Variants in LINGO2 observed in about 807,000 individuals in gnomAD.
LINGO2 encodes leucine-rich repeat and immunoglobulin-like domain-containing nogo receptor-interacting protein 2.
LINGO2 carries 14 observed loss-of-function variants against 30.6 expected under a neutral mutation model. The ratio of observed to expected loss-of-function variants is 0.46; its 90% CI spans 0.30 to 0.72. LINGO2 has a LOEUF of 0.72. Among genes scored for constraint, LINGO2 ranks in the 30% least tolerant of loss-of-function variants. The pLI is 0.07. For synonymous variants in LINGO2, 317 were observed against 288.5 expected (o/e 1.10, Z -1.00); for missense variants, 729 against 751.7 (o/e 0.97, Z 0.35).
chr9:28,480,478 A>G (rs1587730799), intron 1 of LINGO2, among the ~76,000 whole-genome samples: 3 of 152,216 alleles, frequency 2.0e-5, no homozygotes, highest in Admixed American at 2.0e-4. Context: ...GTAAAATGAC[A>G]ATTGTTTAGG....
the LINGO2 span, among the ~76,000 whole-genome samples, chr9:28,683,407 A>G: frequency 3.2e-4 from 48 of 152,116 alleles, no homozygotes; most frequent in African/African-American, 1.1e-3. Flanking sequence ...TGTTTCTTTC[A>G]TGGGATGATC....
intron 4 of LINGO2, among the ~76,000 whole-genome samples, chr9:28,015,388 C>A (rs1822776424): frequency 6.6e-6 from 1 of 152,100 alleles, no homozygotes; most frequent in African/African-American, 2.4e-5. Flanking sequence ...GCATAGAACA[C>A]ACACAGGGCA....
At chr9:29,198,001 A>T in the LINGO2 span, among the ~76,000 whole-genome samples, 1 of 152,152 alleles carries the variant, frequency 6.6e-6, no homozygotes, top group Non-Finnish European at 1.5e-5. Flanking sequence ...TAAGAAAAAT[A>T]ATAATAACAT....
the LINGO2 span, among the ~76,000 whole-genome samples, chr9:28,847,831 A>G: frequency 1.1e-5 from 1 of 95,048 alleles, no homozygotes; most frequent in African/African-American, 4.0e-5. Flanking sequence ...ATATATATGT[A>G]TAGTATATAT....
intron 2 of LINGO2, among the ~76,000 whole-genome samples, chr9:28,464,445 C>G (rs1825214494): frequency 6.6e-6 from 1 of 152,128 alleles, no homozygotes; most frequent in Non-Finnish European, 1.5e-5. Flanking sequence ...TTTTCGTTTG[C>G]TGTACATGGC....
chr9:28,401,669 T>G (rs1000088300), intron 2 of LINGO2, among the ~76,000 whole-genome samples: 1 of 152,176 alleles, frequency 6.6e-6, no homozygotes, highest in Non-Finnish European at 1.5e-5. Context: ...GATTGCTGGG[T>G]CAAATGGTAT....
At chr9:28,612,058 C>T (rs915809106) in intron 1 of LINGO2, among the ~76,000 whole-genome samples, 1 of 151,852 alleles carries the variant, frequency 6.6e-6, no homozygotes, top group Non-Finnish European at 1.5e-5. Flanking sequence ...TGTGAGCCAC[C>T]ACGCCTGGGC....
the LINGO2 span, among the ~76,000 whole-genome samples, chr9:29,203,840 G>A: frequency 6.6e-6 from 1 of 152,106 alleles, no homozygotes; most frequent in African/African-American, 2.4e-5. Context: ...TAGGAACAAG[G>A]GAGCCCCAGG....
At chr9:28,518,791 C>T (rs1263770831) in intron 1 of LINGO2, among the ~76,000 whole-genome samples, 1 of 152,142 alleles carries the variant, frequency 6.6e-6, no homozygotes, top group Non-Finnish European at 1.5e-5. Flanking sequence ...TTGAGGGCTC[C>T]ATGTCACATA....
rs574236212 is a variant in LINGO2, at chr9:28,482,661, G to A, written c.-364-6636C>T. Among the ~76,000 whole-genome samples the A allele has an allele frequency of 1.4e-3, 207 of 152,098 alleles. 1 individual carries two copies. Among genetic ancestry groups the A allele is most frequent in the African/African-American group, 4.7e-3 (194 of 41,516 alleles). On this transcript the variant is annotated intron_variant, in intron 1 of 5. Coordinates refer to ENST00000379992, the Ensembl canonical transcript of LINGO2. ...CCATTTATCAATTTTGGCTTTTGTT[G>A]CCATTGCTTTTGGTGTTTTAGACAT...
chr9:28,779,256 T>C, the LINGO2 span, among the ~76,000 whole-genome samples: 1 of 152,190 alleles, frequency 6.6e-6, no homozygotes, highest in African/African-American at 2.4e-5. Flanking sequence ...CTAATATACA[T>C]TTCCATGATT....
At chr9:28,241,666 A>C (rs1422175863) in intron 4 of LINGO2, among the ~76,000 whole-genome samples, 1 of 152,166 alleles carries the variant, frequency 6.6e-6, no homozygotes, top group African/African-American at 2.4e-5. Flanking sequence ...ATGCCACTCA[A>C]CTGAGTGAGA....
the LINGO2 span, among the ~76,000 whole-genome samples, chr9:28,689,658 A>G: frequency 6.6e-6 from 1 of 152,126 alleles, no homozygotes; most frequent in Admixed American, 6.5e-5. Context: ...CAATTCTTCA[A>G]AGACCTAGAG....
chr9:28,168,479 A>G (rs975707023), intron 4 of LINGO2, among the ~76,000 whole-genome samples: 3 of 152,178 alleles, frequency 2.0e-5, no homozygotes, highest in African/African-American at 7.2e-5. Flanking sequence ...TAAGAGTACC[A>G]ACTTCATGTG....
chr9:29,070,926 C>A, the LINGO2 span, among the ~76,000 whole-genome samples: 1 of 150,466 alleles, frequency 6.6e-6, no homozygotes, highest in African/African-American at 2.4e-5. Flanking sequence ...CTCTCCAACC[C>A]CATCCTTGTA....
the LINGO2 span, among the ~76,000 whole-genome samples, chr9:29,163,972 G>C: frequency 6.6e-6 from 1 of 152,032 alleles, no homozygotes; most frequent in Admixed American, 6.6e-5. Context: ...TATGGATTAA[G>C]TGATGCTATG....
chr9:28,898,415 G>C, the LINGO2 span, among the ~76,000 whole-genome samples: 14 of 152,158 alleles, frequency 9.2e-5, no homozygotes, highest in South Asian at 2.9e-3. Flanking sequence ...ATTTAAATTT[G>C]ACAGTCTATA....
chr9:28,234,939 T>C (rs1335596276), intron 4 of LINGO2, among the ~76,000 whole-genome samples: 1 of 152,208 alleles, frequency 6.6e-6, no homozygotes, highest in Non-Finnish European at 1.5e-5. Context: ...CCAGCTAGGA[T>C]GCAAGAGAGT....
chr9:28,312,781 T>A (rs1824682647), intron 3 of LINGO2, among the ~76,000 whole-genome samples: 2 of 152,210 alleles, frequency 1.3e-5, no homozygotes, highest in Admixed American at 6.5e-5. Flanking sequence ...GCTGTTTCCA[T>A]TTAAAATAAT....
Sources: allele counts gnomAD v4.1 joint callset (sites outside exome capture counted in the v4.1 genomes callset), GRCh38; gene constraint gnomAD v4.1.1; transcripts MANE v1.5; gene names NCBI Gene and HGNC (gene_info 2026-07-23, HGNC 2026-07-21).